Variants in FRYL observed in about 807,000 individuals in gnomAD.
The protein encoded by FRYL is protein furry homolog-like.
FRYL carries 150 observed loss-of-function variants against 351.2 expected under a neutral mutation model. That is an observed-to-expected ratio of 0.43 (90% CI 0.37 to 0.49). The LOEUF (loss-of-function observed/expected upper bound fraction) is 0.49. Ranked by LOEUF, FRYL falls within the 20% of genes least tolerant of loss-of-function variation. FRYL has a pLI of 0.00. For missense variants in FRYL, 3,036 were observed against 3,619.3 expected (o/e 0.84, Z 4.13); for synonymous variants, 1,153 against 1,257.1 (o/e 0.92, Z 1.75).
chr4:48,549,999 C>T lies in FRYL; in HGVS notation c.4634-376G>A, dbSNP rs1322096218. Among the ~76,000 whole-genome samples the T allele has an allele frequency of 6.6e-6, 1 of 152,180 alleles. No individual in the cohort carries two copies. The highest frequency in any genetic ancestry group is 1.9e-4 in the East Asian group (1 of 5,190). On this transcript the variant is annotated intron_variant, in intron 38 of 63. Coordinates refer to ENST00000358350, the MANE Select transcript of FRYL (RefSeq NM_015030.2). This position sits in a 1 kb window ranked among gnomAD's most constrained non-coding sequence, Gnocchi z 4.2. ...TCCTGAGATAGGGCCAACACAGCTCCATCTTGAAAGGAACTCTGCTCTACC... is the reference window on the plus strand; with the variant it reads ...TCCTGAGATAGGGCCAACACAGCTCTATCTTGAAAGGAACTCTGCTCTACC...
At chr4:48,545,257 G>A (rs1333439692) in intron 42 of FRYL, among the ~76,000 whole-genome samples, 1 of 152,186 alleles carries the variant, frequency 6.6e-6, no homozygotes, top group Non-Finnish European at 1.5e-5. Context: ...GAAATGCAAT[G>A]AGAATAATTT....
chr4:48,520,586 A>G (rs1477544286), intron 55 of FRYL: 1 of 152,370 alleles, frequency 6.6e-6, no homozygotes, highest in South Asian at 2.1e-4. Context: ...TCCAAAAAAC[A>G]TAATACTAGT....
intron 1 of FRYL, among the ~76,000 whole-genome samples, chr4:48,762,824 T>C (rs1381923280): frequency 2.6e-5 from 4 of 152,166 alleles, no homozygotes; most frequent in East Asian, 1.9e-4. Flanking sequence ...AGTTGCTCTA[T>C]CCAGGAATAA....
At chr4:48,679,712 G>A (rs1764319045) in intron 3 of FRYL, among the ~76,000 whole-genome samples, 1 of 151,954 alleles carries the variant, frequency 6.6e-6, no homozygotes, top group Non-Finnish European at 1.5e-5. Flanking sequence ...AATGATAAAT[G>A]TCTGAGATGA....
chr4:48,672,762 T>G (rs1762940121), intron 3 of FRYL, among the ~76,000 whole-genome samples: 1 of 152,156 alleles, frequency 6.6e-6, no homozygotes. Context: ...CTCAACTCAA[T>G]TTTCTCCCAG....
intron 50 of FRYL, among the ~76,000 whole-genome samples, chr4:48,530,121 C>A (rs1229617991): frequency 6.6e-6 from 1 of 152,142 alleles, no homozygotes; most frequent in African/African-American, 2.4e-5. Flanking sequence ...TAGTATGTTT[C>A]TGGGTCACTT....
At chr4:48,555,832 G>C (rs1488934445) in intron 35 of FRYL, among the ~76,000 whole-genome samples, 1 of 152,258 alleles carries the variant, frequency 6.6e-6, no homozygotes, top group East Asian at 1.9e-4. Flanking sequence ...GGAATGCTGA[G>C]TAAAGCAAAG....
At chr4:48,702,626 G>T (rs556899602) in intron 2 of FRYL, among the ~76,000 whole-genome samples, 1 of 151,456 alleles carries the variant, frequency 6.6e-6, no homozygotes, top group East Asian at 1.9e-4. Flanking sequence ...AGCCGGGCAT[G>T]GTGGTGGGCT....
chr4:48,779,551 C>A (rs1340246899), intron 1 of FRYL, among the ~76,000 whole-genome samples: 2 of 151,952 alleles, frequency 1.3e-5, no homozygotes, highest in Non-Finnish European at 2.9e-5. Flanking sequence ...GGCCCGCCAG[C>A]CGCCGCGCTA....
chr4:48,671,730 G>A (rs774361361), intron 3 of FRYL, among the ~76,000 whole-genome samples: 25 of 151,684 alleles, frequency 1.6e-4, no homozygotes, highest in Non-Finnish European at 1.9e-4. Context: ...GTGCACGTCT[G>A]TAATCCCAGC....
intron 41 of FRYL, 137 bp downstream of exon 41, chr4:48,547,447 G>T (rs866117278): frequency 2.2e-6 from 1 of 456,010 alleles, no homozygotes; most frequent in South Asian, 7.3e-5. Context: ...AATTTAAATG[G>T]TACTTAAAAT....
intron 6 of FRYL, among the ~76,000 whole-genome samples, chr4:48,619,920 G>C (rs763195279): frequency 1.4e-4 from 22 of 152,130 alleles, no homozygotes; most frequent in Non-Finnish European, 2.4e-4. Context: ...TAACCTAAAA[G>C]AATTAGTAAG....
chr4:48,574,506 T>C lies in FRYL; in HGVS notation c.2846+611A>G, dbSNP rs1247093400. 2.0e-5 allele frequency: 3 copies of C among 152,342 alleles called. No individual in the cohort carries two copies. The East Asian group carries it at 5.8e-4, about 29-fold the overall frequency. The allele number at this position is 152,342 out of a possible 1,614,324, so 9.4% of individuals were successfully genotyped here. On this transcript the variant is annotated intron_variant, in intron 25 of 63. Coordinates refer to ENST00000358350, the MANE Select transcript of FRYL (RefSeq NM_015030.2). ...AGCAAAAGGCAAAAGATTTATACAA[T>C]CTGAAGCGAAACCAGAGTATTAACC...
chr4:48,516,927 A>T (rs16861344), intron 55 of FRYL, among the ~76,000 whole-genome samples: 3,941 of 152,234 alleles, frequency 0.026, 65 homozygotes, highest in Admixed American at 0.046. Context: ...GACAAACATG[A>T]GGTAGGGATG....
At chr4:48,750,200 C>G (rs535586928) in intron 1 of FRYL, among the ~76,000 whole-genome samples, 3 of 150,338 alleles carry the variant, frequency 2.0e-5, no homozygotes, top group African/African-American at 7.3e-5. Flanking sequence ...GTGGCTCACG[C>G]GTATAATACT....
At chr4:48,766,838 G>A (rs2109395114) in intron 1 of FRYL, among the ~76,000 whole-genome samples, 1 of 151,842 alleles carries the variant, frequency 6.6e-6, no homozygotes, top group South Asian at 2.1e-4. Context: ...GTAAGGAGGT[G>A]ATTTAAGAGT....
intron 1 of FRYL, among the ~76,000 whole-genome samples, chr4:48,748,105 G>C (rs555762748): frequency 5.3e-5 from 8 of 152,224 alleles, no homozygotes; most frequent in African/African-American, 1.9e-4. Context: ...AATTAGCTGG[G>C]TGTGGTGGTG....
At chr4:48,736,601 G>T (rs1295456980) in intron 1 of FRYL, among the ~76,000 whole-genome samples, 1 of 152,010 alleles carries the variant, frequency 6.6e-6, no homozygotes, top group East Asian at 1.9e-4. Context: ...TGTAATCCCA[G>T]CACTTTGGGA....
At chr4:48,689,486 G>A (rs1578731679) in intron 2 of FRYL, among the ~76,000 whole-genome samples, 1 of 152,158 alleles carries the variant, frequency 6.6e-6, no homozygotes, top group African/African-American at 2.4e-5. Context: ...AAATTCAGAA[G>A]TAGCCCAGTT....
Sources: gnomAD v4.1 joint callset for allele counts (sites outside exome capture counted in the v4.1 genomes callset) on GRCh38, gnomAD v4.1.1 for gene constraint, Gnocchi (gnomAD v3.1) non-coding constraint, MANE v1.5 for transcripts, NCBI Gene and HGNC (gene_info 2026-07-23, HGNC 2026-07-21) for gene names.